The following PIBF1 variants were observed in gnomAD, a reference collection of about 807,000 sequenced individuals.
PIBF1 encodes progesterone-induced-blocking factor 1.
A neutral mutation model predicts 112.5 loss-of-function variants in PIBF1; 90 were observed. The ratio of observed to expected loss-of-function variants is 0.80; its 90% confidence interval spans 0.67 to 0.95. The LOEUF (loss-of-function observed/expected upper bound fraction) is 0.95. Among genes scored for constraint, PIBF1 ranks in the 40% least tolerant of loss-of-function variants. The probability of loss-of-function intolerance (pLI) is 0.00; values close to 1 mark genes in which losing one functional copy is unlikely to be tolerated. For missense variants in PIBF1, 915 were observed against 852.3 expected (o/e 1.07, Z -0.92); for synonymous variants, 301 against 288.6 (o/e 1.04, Z -0.44).
At chr13:72,910,796 G>A (rs896956249) in intron 12 of PIBF1, among the ~76,000 whole-genome samples, 4 of 152,082 alleles carry the variant, frequency 2.6e-5, no homozygotes, top group Non-Finnish European at 5.9e-5. Context: ...TAAACAATTG[G>A]AGAAGTAAGT....
At chr13:72,836,152 A>T in intron 9 of PIBF1, 1 of 449,846 alleles carries the variant, frequency 2.2e-6, no homozygotes, top group Non-Finnish European at 4.4e-6. Context: ...TTACTTTTAG[A>T]TCAGTAAATA....
At chr13:72,939,984 G>C (rs2041969536) in intron 14 of PIBF1, among the ~76,000 whole-genome samples, 1 of 152,096 alleles carries the variant, frequency 6.6e-6, no homozygotes, top group African/African-American at 2.4e-5. Flanking sequence ...GTCACTGGCT[G>C]TAAGCAATTT....
At chr13:72,937,647 C>G (rs1425071168) in intron 14 of PIBF1, among the ~76,000 whole-genome samples, 1 of 152,120 alleles carries the variant, frequency 6.6e-6, no homozygotes, top group Non-Finnish European at 1.5e-5. Context: ...TGGCAAAACC[C>G]TGTCTCTACT....
At chr13:72,993,100 A>G (rs1380514283) in intron 16 of PIBF1, among the ~76,000 whole-genome samples, 16 of 152,138 alleles carry the variant, frequency 1.1e-4, no homozygotes, top group Admixed American at 1.0e-3. Context: ...TTGAGAGGCC[A>G]AGGCAAGTGG....
intron 13 of PIBF1, among the ~76,000 whole-genome samples, chr13:72,917,706 A>G (rs1311293906): frequency 6.6e-6 from 1 of 152,218 alleles, no homozygotes; most frequent in Non-Finnish European, 1.5e-5. Flanking sequence ...TGTGAATTCA[A>G]CCAACCGCTT....
chr13:72,951,781 G>A (rs964132423), intron 14 of PIBF1, among the ~76,000 whole-genome samples: 6 of 152,076 alleles, frequency 3.9e-5, no homozygotes, highest in East Asian at 3.9e-4. Context: ...TAAAAATCCC[G>A]TGTTCTGCCT....
intron 14 of PIBF1, among the ~76,000 whole-genome samples, chr13:72,953,350 C>T (rs987842862): frequency 1.1e-4 from 17 of 152,160 alleles, no homozygotes; most frequent in Non-Finnish European, 2.2e-4. Context: ...CCACACGGTG[C>T]CTCCGTAATG....
intron 14 of PIBF1, among the ~76,000 whole-genome samples, chr13:72,962,575 T>C (rs2042634588): frequency 6.7e-6 from 1 of 148,628 alleles, no homozygotes; most frequent in Non-Finnish European, 1.5e-5. Flanking sequence ...CCAGACTAGG[T>C]GACAGAGTGA....
At chr13:72,950,991 A>G (rs983000678) in intron 14 of PIBF1, among the ~76,000 whole-genome samples, 1 of 152,248 alleles carries the variant, frequency 6.6e-6, no homozygotes, top group East Asian at 1.9e-4. Flanking sequence ...CCAATCAGCA[A>G]GGAAAAAGGC....
chr13:72,845,146 C>G (rs1326113114), intron 9 of PIBF1, among the ~76,000 whole-genome samples: 2 of 151,864 alleles, frequency 1.3e-5, no homozygotes, highest in Admixed American at 6.6e-5. Context: ...CCTTGCCCCC[C>G]ACCCCCAAGT....
chr13:72,790,005 G>A (rs568709201), intron 2 of PIBF1, among the ~76,000 whole-genome samples: 8 of 152,246 alleles, frequency 5.3e-5, no homozygotes, highest in South Asian at 2.1e-4. Flanking sequence ...TATGCCAATG[G>A]ATATGACAGA....
At chr13:72,923,148 G>C (rs2041358014) in intron 13 of PIBF1, among the ~76,000 whole-genome samples, 1 of 152,150 alleles carries the variant, frequency 6.6e-6, no homozygotes, top group African/African-American at 2.4e-5. Context: ...TTTGGTAATA[G>C]TAAGACACCG....
chr13:72,965,978 A>G (rs1381608624), intron 15 of PIBF1, among the ~76,000 whole-genome samples: 2 of 152,166 alleles, frequency 1.3e-5, no homozygotes, highest in African/African-American at 4.8e-5. Context: ...GGTTTTTTAA[A>G]CTGAAATTAA....
intron 12 of PIBF1, among the ~76,000 whole-genome samples, chr13:72,910,846 C>A (rs1486441977): frequency 8.6e-5 from 13 of 151,998 alleles, no homozygotes; most frequent in Non-Finnish European, 4.4e-5. Flanking sequence ...TAAATTTAAG[C>A]CAAAAAACCC....
At chr13:72,888,102 C>T (rs2138537151) in intron 10 of PIBF1, among the ~76,000 whole-genome samples, 1 of 152,134 alleles carries the variant, frequency 6.6e-6, no homozygotes, top group Admixed American at 6.6e-5. Flanking sequence ...GAGTAAAGCC[C>T]ATTGAATTTG....
chr13:72,868,800 A>G (rs2039031744), intron 10 of PIBF1, among the ~76,000 whole-genome samples: 1 of 149,798 alleles, frequency 6.7e-6, no homozygotes, highest in Admixed American at 6.7e-5. Context: ...GCTGGGCAAC[A>G]TAGTGAGACC....
intron 13 of PIBF1, among the ~76,000 whole-genome samples, chr13:72,925,310 A>G (rs2041441478): frequency 6.6e-6 from 1 of 152,178 alleles, no homozygotes; most frequent in Non-Finnish European, 1.5e-5. Context: ...AAGATTGACA[A>G]TGCTCAGTAT....
At chr13:72,927,452 C>T (rs1031399229) in intron 13 of PIBF1, among the ~76,000 whole-genome samples, 2 of 151,856 alleles carry the variant, frequency 1.3e-5, no homozygotes, top group African/African-American at 4.8e-5. Flanking sequence ...TGCAGTGAGC[C>T]GAGATCGCGT....
intron 10 of PIBF1, among the ~76,000 whole-genome samples, chr13:72,878,650 G>T (rs2039502311): frequency 6.6e-6 from 1 of 152,110 alleles, no homozygotes; most frequent in Admixed American, 6.5e-5. Flanking sequence ...CTGTTGATTG[G>T]TGGTGTTGAA....
Sources: allele counts gnomAD v4.1 joint callset (sites outside exome capture counted in the v4.1 genomes callset), GRCh38; gene constraint gnomAD v4.1.1; transcripts MANE v1.5; gene names NCBI Gene and HGNC (gene_info 2026-07-23, HGNC 2026-07-21).